Variants in CNTNAP2 observed in about 807,000 individuals in gnomAD.
CNTNAP2 encodes contactin-associated protein-like 2.
A neutral mutation model predicts 155.2 loss-of-function variants in CNTNAP2; 98 were observed. The ratio of observed to expected loss-of-function variants is 0.63; its 90% CI spans 0.54 to 0.75. The LOEUF is 0.75. Ranked by LOEUF, CNTNAP2 falls within the 30% of genes least tolerant of loss-of-function variation. The pLI is 0.00. For synonymous variants in CNTNAP2, 651 were observed against 631.2 expected (o/e 1.03, Z -0.47); for missense variants, 1,727 against 1,688.1 (o/e 1.02, Z -0.40).
intron 2 of CNTNAP2, among the ~76,000 whole-genome samples, chr7:146,810,135 T>A (rs1186846074): frequency 6.6e-6 from 1 of 152,176 alleles, no homozygotes; most frequent in Non-Finnish European, 1.5e-5. Context: ...ATTAATGGCA[T>A]TATCAAAGAG....
At chr7:147,723,882 T>C (rs982330562) in intron 13 of CNTNAP2, among the ~76,000 whole-genome samples, 1 of 152,058 alleles carries the variant, frequency 6.6e-6, no homozygotes, top group Non-Finnish European at 1.5e-5. Flanking sequence ...TTCTTTGTGG[T>C]AAACACTTTT....
intron 15 of CNTNAP2, among the ~76,000 whole-genome samples, chr7:148,079,037 C>T (rs1373675588): frequency 1.3e-5 from 2 of 152,056 alleles, no homozygotes; most frequent in South Asian, 2.1e-4. Context: ...CACTGCATAT[C>T]GTTGCTTGAA....
chr7:148,369,631 G>A (rs1396071634), intron 21 of CNTNAP2, among the ~76,000 whole-genome samples: 1 of 141,288 alleles, frequency 7.1e-6, no homozygotes, highest in East Asian at 2.0e-4. Context: ...GAGAAATGTT[G>A]CTGTTCTTTA....
chr7:147,271,685 C>G lies in CNTNAP2; in HGVS notation c.1349-28456C>G, dbSNP rs796245278. On this transcript the variant is annotated intron_variant, in intron 8 of 23. Transcript: ENST00000361727. Reference sequence around the variant, plus strand: ...GAGAGCTAAGTGAAAAGAGAAACCCCTTATAAAACCATCAGATCTCATGAG... The same window carrying G: ...GAGAGCTAAGTGAAAAGAGAAACCCGTTATAAAACCATCAGATCTCATGAG... Among the ~76,000 whole-genome samples, 8 of 152,210 alleles carry G rather than the reference C, an allele frequency of 5.3e-5. 1 individual carries two copies. Among genetic ancestry groups the G allele is most frequent in the African/African-American group, 1.9e-4 (8 of 41,520 alleles).
rs115145026 is a variant in CNTNAP2, at chr7:147,036,879, C to T, written c.403-7028C>T. Among the ~76,000 whole-genome samples, 890 of 152,056 alleles carry T rather than the reference C, an allele frequency of 5.9e-3. 6 individuals are homozygous for T. The highest frequency in any genetic ancestry group is 0.021 in the African/African-American group (864 of 41,484). On this transcript the variant is annotated intron_variant, in intron 3 of 23. Coordinates refer to ENST00000361727, the MANE Select transcript of CNTNAP2 (RefSeq NM_014141.6). Reference sequence around the variant, plus strand: ...TTCCTTTTCACACCTATATGAAAAACTGTAAATGAGTTTTTAAAAGAGCCA... The same window carrying T: ...TTCCTTTTCACACCTATATGAAAAATTGTAAATGAGTTTTTAAAAGAGCCA...
intron 3 of CNTNAP2, among the ~76,000 whole-genome samples, chr7:146,842,375 T>C (rs139742672): frequency 1.6e-3 from 245 of 152,276 alleles, no homozygotes; most frequent in African/African-American, 5.4e-3. Context: ...TCCTTTCAAA[T>C]ATTGTGTTTC....
At chr7:146,663,371 A>T (rs577970060) in intron 1 of CNTNAP2, among the ~76,000 whole-genome samples, 1 of 147,826 alleles carries the variant, frequency 6.8e-6, no homozygotes, top group South Asian at 2.1e-4. Flanking sequence ...TCACTTTCTC[A>T]TTTTTTTTTT....
chr7:147,051,979 A>G (rs1239141282), intron 4 of CNTNAP2, among the ~76,000 whole-genome samples: 1 of 152,116 alleles, frequency 6.6e-6, no homozygotes, highest in Admixed American at 6.6e-5. Context: ...TTATGCTCCA[A>G]ATATGAATAC....
chr7:147,366,448 C>T (rs1248297369), intron 9 of CNTNAP2, among the ~76,000 whole-genome samples: 1 of 151,670 alleles, frequency 6.6e-6, no homozygotes, highest in Non-Finnish European at 1.5e-5. Context: ...TTTTCTCTGC[C>T]TTCTTTGTAT....
chr7:147,482,073 G>A (rs184989140), intron 10 of CNTNAP2, among the ~76,000 whole-genome samples: 1 of 152,138 alleles, frequency 6.6e-6, no homozygotes, highest in Admixed American at 6.5e-5. Context: ...TCAATAGGCA[G>A]TTACTGAGCA....
intron 4 of CNTNAP2, among the ~76,000 whole-genome samples, chr7:147,053,954 C>T (rs1316848304): frequency 2.6e-5 from 4 of 152,110 alleles, no homozygotes; most frequent in Non-Finnish European, 5.9e-5. Flanking sequence ...GCCCAATCCT[C>T]TATTTTACTA....
chr7:146,314,777 G>T (rs927159690), intron 1 of CNTNAP2, among the ~76,000 whole-genome samples: 14 of 152,168 alleles, frequency 9.2e-5, no homozygotes, highest in Admixed American at 2.6e-4. Context: ...AAGGTGCAGA[G>T]AGTGCCCACA....
chr7:147,797,928 T>G (rs1797924962), intron 13 of CNTNAP2, among the ~76,000 whole-genome samples: 1 of 152,186 alleles, frequency 6.6e-6, no homozygotes, highest in Admixed American at 6.5e-5. Flanking sequence ...ATTTAAATCT[T>G]CAGTATCAAT....
intron 22 of CNTNAP2, among the ~76,000 whole-genome samples, chr7:148,390,655 G>A (rs141384567): frequency 1.1e-3 from 169 of 152,282 alleles, no homozygotes; most frequent in African/African-American, 3.7e-3. Context: ...CCATAGGTCT[G>A]GTGATCTTTC....
Position 147,588,440 on chromosome 7 carries a change from A to G in CNTNAP2, c.1897+26183A>G, listed in dbSNP as rs2373105. Among the ~76,000 whole-genome samples the G allele has an allele frequency of 2.8e-3, 424 of 152,310 alleles. 5 individuals carry two copies. The highest frequency in any genetic ancestry group is 9.8e-3 in the African/African-American group (408 of 41,568). On this transcript the variant is annotated intron_variant, in intron 12 of 23. Transcript: ENST00000361727. The stretch of plus-strand genomic sequence containing the variant: ...AAGAGGATACTCTGTGAATAGATGT[A>G]TTAGAATTTATCAACAGAAGCACTC...
At chr7:148,363,781 T>C (rs1025093435) in intron 21 of CNTNAP2, among the ~76,000 whole-genome samples, 2 of 151,890 alleles carry the variant, frequency 1.3e-5, no homozygotes, top group East Asian at 3.9e-4. Flanking sequence ...TGGCCAAGGC[T>C]GGAGCCCACT....
intron 1 of CNTNAP2, among the ~76,000 whole-genome samples, chr7:146,550,401 G>GTTTTTT (rs10673467): frequency 0.036 from 1,943 of 54,252 alleles, 320 homozygotes; most frequent in African/African-American, 0.039. Flanking sequence ...CCATTAATCT[G>GTTTTTT]TTTTTTTTTT....
chr7:146,376,284 TC>T (rs1362871771), intron 1 of CNTNAP2, among the ~76,000 whole-genome samples: 1 of 152,200 alleles, frequency 6.6e-6, no homozygotes, highest in Admixed American at 6.5e-5. Context: ...CTTCTTGTGC[TC>T]CGAATTCCTT....
chr7:146,759,005 C>T (rs1384956568), intron 1 of CNTNAP2, among the ~76,000 whole-genome samples: 1 of 152,198 alleles, frequency 6.6e-6, no homozygotes, highest in Non-Finnish European at 1.5e-5. Flanking sequence ...TTTCTTCCTT[C>T]AGTTCCATCT....
Sources: gnomAD v4.1 joint callset for allele counts (sites outside exome capture counted in the v4.1 genomes callset) on GRCh38, gnomAD v4.1.1 for gene constraint, MANE v1.5 for transcripts, NCBI Gene and HGNC (gene_info 2026-07-23, HGNC 2026-07-21) for gene names.